The following GALNT1 variants were observed in gnomAD, a reference collection of about 807,000 sequenced individuals.
GALNT1 encodes GalNAc transferase 1.
Under a neutral mutation model 65.7 loss-of-function variants are expected in GALNT1, and 17 were observed. That is an observed-to-expected ratio of 0.26 (90% CI 0.18 to 0.39). GALNT1 has a LOEUF of 0.39. Ranked by LOEUF, GALNT1 falls within the 10% of genes least tolerant of loss-of-function variation. The pLI, the probability that GALNT1 is intolerant of heterozygous loss-of-function variation, is 1.00. For missense variants in GALNT1, 460 were observed against 672.8 expected, an observed-to-expected ratio of 0.68 and a Z score of 3.50; for synonymous variants, 210 against 219.7, an observed-to-expected ratio of 0.96 and a Z score of 0.39.
chr18:35,690,340 G>A (rs1168697409), intron 7 of GALNT1, among the ~76,000 whole-genome samples: 1 of 152,138 alleles, frequency 6.6e-6, no homozygotes, highest in Non-Finnish European at 1.5e-5. Context: ...ACGCAGGTTT[G>A]GAGAGGGGTG....
chr18:35,607,770 T>TA (rs568561441), intron 1 of GALNT1, among the ~76,000 whole-genome samples: 65 of 152,294 alleles, frequency 4.3e-4, no homozygotes, highest in African/African-American at 1.4e-3. Context: ...CAGTCCTTTT[T>TA]AGACACCTAT....
intron 4 of GALNT1, among the ~76,000 whole-genome samples, chr18:35,681,331 C>G (rs923033299): frequency 1.3e-5 from 2 of 152,102 alleles, no homozygotes; most frequent in African/African-American, 4.8e-5. Flanking sequence ...TTCCTAATCC[C>G]CCACCCATCC....
intron 1 of GALNT1, among the ~76,000 whole-genome samples, chr18:35,603,969 G>C (rs1001405075): frequency 1.3e-5 from 2 of 152,084 alleles, no homozygotes; most frequent in African/African-American, 4.8e-5. Context: ...GTGCAGGTTT[G>C]TTACATGGGT....
chr18:35,607,918 A>G (rs1327580632), intron 1 of GALNT1, among the ~76,000 whole-genome samples: 3 of 152,168 alleles, frequency 2.0e-5, no homozygotes, highest in African/African-American at 7.2e-5. Flanking sequence ...AACTGCTGGA[A>G]GGGACATGAA....
intron 1 of GALNT1, among the ~76,000 whole-genome samples, chr18:35,594,586 G>T (rs1428539815): frequency 1.3e-5 from 2 of 152,182 alleles, no homozygotes; most frequent in Non-Finnish European, 2.9e-5. Flanking sequence ...ACTTACTGAG[G>T]GTTAGAGATT....
rs2047149565 is a variant in GALNT1, at chr18:35,640,718, C to T, written c.-103-13842C>T. On this transcript the variant is annotated intron_variant, in intron 1 of 11. Transcript: ENST00000269195. ...TAGTATAAAGCTGTAAAAGTTAAGA[C>T]AACAGTATGGTATAGGGAGAGATAG... Among the ~76,000 whole-genome samples the T allele has an allele frequency of 2.0e-5, 3 of 152,068 alleles. No individual in the cohort carries two copies. The South Asian group carries it at 6.2e-4, about 31-fold the overall frequency.
At chr18:35,626,487 C>T (rs1243215696) in intron 1 of GALNT1, among the ~76,000 whole-genome samples, 1 of 152,134 alleles carries the variant, frequency 6.6e-6, no homozygotes, top group Non-Finnish European at 1.5e-5. Context: ...TTAGATCCTC[C>T]ACTGATTTGT....
Position 35,703,710 on chromosome 18 carries a change from A to G in GALNT1, c.1533+67A>G, listed in dbSNP as rs1449488394. The G allele has an allele frequency of 5.4e-6, 8 of 1,469,244 alleles. No individual in the cohort carries two copies. In the African/African-American group the frequency reaches 7.1e-5, roughly 13 times the overall value. 91.0% of individuals were successfully genotyped at this position (1,469,244 alleles called of 1,614,324 possible). On this transcript the variant is annotated intron_variant, in intron 11 of 11. Transcript: ENST00000269195. ...CACTGGGTATATTTATATACTTTAT[A>G]TCTAAAGGAATGAGTTCTTGTGGAC...
At chr18:35,675,449 G>C (rs1232911595) in intron 3 of GALNT1, among the ~76,000 whole-genome samples, 6 of 151,990 alleles carry the variant, frequency 3.9e-5, no homozygotes, top group Admixed American at 2.0e-4. Context: ...TTCTCTCTCT[G>C]ATTCTTCCAT....
intron 1 of GALNT1, among the ~76,000 whole-genome samples, chr18:35,586,774 T>A (rs2046382869): frequency 6.6e-6 from 1 of 152,230 alleles, no homozygotes; most frequent in African/African-American, 2.4e-5. Context: ...GACTGATTCC[T>A]CCTACACTTT....
chr18:35,683,230 A>C (rs781083653), intron 4 of GALNT1, among the ~76,000 whole-genome samples, 161 bp from the exon 5 acceptor site: 1 of 152,196 alleles, frequency 6.6e-6, no homozygotes, highest in South Asian at 2.1e-4. Context: ...CTCTTGGGGA[A>C]TATAAAGGCT....
chr18:35,589,920 T>C (rs2046423448), intron 1 of GALNT1, among the ~76,000 whole-genome samples: 1 of 152,232 alleles, frequency 6.6e-6, no homozygotes, highest in Non-Finnish European at 1.5e-5. Context: ...ATCTGTCAAA[T>C]TGCTACCAAA....
At chr18:35,586,020 G>A (rs1349970238) in intron 1 of GALNT1, among the ~76,000 whole-genome samples, 2 of 152,168 alleles carry the variant, frequency 1.3e-5, no homozygotes, top group Non-Finnish European at 2.9e-5. Context: ...GCAGTTGCAT[G>A]TTTAGTTTTT....
At chr18:35,680,371 ACT>A (rs762382475) in intron 4 of GALNT1, among the ~76,000 whole-genome samples, 3 of 151,412 alleles carry the variant, frequency 2.0e-5, no homozygotes, top group Non-Finnish European at 2.9e-5. Context: ...ATCTCATAAC[ACT>A]CTACTCCTCT....
At chr18:35,606,190 T>C (rs73418854) in intron 1 of GALNT1, among the ~76,000 whole-genome samples, 2,357 of 152,292 alleles carry the variant, frequency 0.015, 58 homozygotes, top group African/African-American at 0.055. Flanking sequence ...CAGGGCAAAT[T>C]GTGTGCAGTC....
chr18:35,641,532 A>G (rs765442676), intron 1 of GALNT1, among the ~76,000 whole-genome samples: 88 of 152,308 alleles, frequency 5.8e-4, no homozygotes, highest in Admixed American at 1.4e-3. Flanking sequence ...AACACAAAAC[A>G]ACACATCTAG....
At chr18:35,655,804 A>G (rs2047378182) in intron 2 of GALNT1, among the ~76,000 whole-genome samples, 1 of 152,190 alleles carries the variant, frequency 6.6e-6, no homozygotes, top group Admixed American at 6.5e-5. Flanking sequence ...TAATTGTTAT[A>G]TGTGGGCTTA....
chr18:35,649,007 T>A (rs2047274427), intron 1 of GALNT1, among the ~76,000 whole-genome samples: 1 of 152,208 alleles, frequency 6.6e-6, no homozygotes, highest in Admixed American at 6.5e-5. Flanking sequence ...GACATTTGGA[T>A]TGTTTCCAGA....
At chr18:35,582,806 G>T (rs1430823369) in intron 1 of GALNT1, among the ~76,000 whole-genome samples, 1 of 152,196 alleles carries the variant, frequency 6.6e-6, no homozygotes, top group Non-Finnish European at 1.5e-5. Context: ...GCAGAGTTGG[G>T]ATTCAAACCT....
Sources: gnomAD v4.1 joint callset for allele counts (sites outside exome capture counted in the v4.1 genomes callset) on GRCh38, gnomAD v4.1.1 for gene constraint, MANE v1.5 for transcripts, NCBI Gene and HGNC (gene_info 2026-07-23, HGNC 2026-07-21) for gene names.